MYL12B: variants seen among roughly 807,000 people sequenced by gnomAD.
MYL12B encodes myosin regulatory light chain 12B.
In MYL12B, 3 loss-of-function variants were observed where a neutral mutation model predicts 12.9. That is an observed-to-expected ratio of 0.23 (90% CI 0.11 to 0.60). MYL12B has a LOEUF of 0.60. MYL12B is among the 20% of genes least tolerant of loss of function. MYL12B has a pLI of 0.89. For missense variants in MYL12B, 120 were observed against 215.4 expected (o/e 0.56, Z 2.77); for synonymous variants, 57 against 71.9 (o/e 0.79, Z 1.05).
rs2144366409 is a variant in MYL12B at position 3,276,574 on chromosome 18, A to T, written c.185-679A>T. ...CTAACATTGTTCAAAATAAGCTGCC[A>T]ATTCAAAACCATGCTAATAGTTTAA... On this transcript the variant is annotated intron_variant, in intron 2 of 3. Transcript: ENST00000237500. The T allele has an allele frequency of 4.1e-6, 4 of 985,242 alleles. No individual in the cohort carries two copies. The South Asian group carries it at 1.4e-4, about 35-fold the overall frequency. The allele number at this position is 985,242 out of a possible 1,614,324, so 61.0% of individuals were successfully genotyped here.
At position 3,265,555 on chromosome 18, in the gene MYL12B, T is replaced by C. The variant is rs574067215; in HGVS notation, c.-16+3318T>C. 2.7e-4 allele frequency among the ~76,000 whole-genome samples: 29 copies of C among 108,964 alleles called. No individual in the cohort carries two copies. The South Asian group carries it at 3.5e-3, about 13-fold the overall frequency. 71.5% of individuals were successfully genotyped at this position (108,964 alleles called of 152,430 possible). On this transcript the variant is annotated intron_variant, in intron 1 of 3. Transcript: ENST00000237500. ...CAAATCAGCACTGCTAACAAGACCC[T>C]CTCAGAGTCCTGTCCTCTACTAGCA...
At chr18:3,266,140 A>T (rs1373063721) in intron 1 of MYL12B, among the ~76,000 whole-genome samples, 1 of 152,214 alleles carries the variant, frequency 6.6e-6, no homozygotes, top group Admixed American at 6.5e-5. Flanking sequence ...GAGCCAGAGC[A>T]GCTTAGGTGG....
In MYL12B at chr18:3,278,181, C is replaced by T. The variant is rs1380336269; in HGVS notation, c.*244C>T. On this transcript the variant is annotated 3_prime_UTR_variant, in exon 4 of 4. Coordinates refer to ENST00000237500, the MANE Select transcript of MYL12B (RefSeq NM_033546.4). Reference sequence around the variant, plus strand: ...ATAAAAATCAACAAATGTGAAAGCCCAGAAAAATATATTCGTATTTCTGGT... The same window carrying T: ...ATAAAAATCAACAAATGTGAAAGCCTAGAAAAATATATTCGTATTTCTGGT... 2.8e-6 allele frequency: 1 copy of T among 355,718 alleles called. No homozygotes were observed. The highest frequency in any genetic ancestry group is 2.1e-5 in the African/African-American group (1 of 47,022). 22.0% of individuals were successfully genotyped at this position (355,718 alleles called of 1,614,324 possible). A position where few individuals can be genotyped will look rare whatever the true frequency, so the allele number is the denominator to read the frequency against.
At chr18:3,263,457 G>C (rs1246357221) in intron 1 of MYL12B, among the ~76,000 whole-genome samples, 1 of 152,194 alleles carries the variant, frequency 6.6e-6, no homozygotes, top group African/African-American at 2.4e-5. Flanking sequence ...TTATAACTAA[G>C]AGCACTTTTG....
intron 1 of MYL12B, among the ~76,000 whole-genome samples, chr18:3,265,306 G>A (rs1372998): frequency 0.38 from 58,049 of 151,958 alleles, 14,033 homozygotes; most frequent in African/African-American, 0.69. Context: ...TGCTGTTTTC[G>A]GACTGTTGCT....
chr18:3,264,708 A>G (rs1182860955), intron 1 of MYL12B, among the ~76,000 whole-genome samples: 5 of 152,206 alleles, frequency 3.3e-5, no homozygotes, highest in African/African-American at 1.2e-4. Flanking sequence ...AAAACATTGT[A>G]TTGAATGAAA....
intron 1 of MYL12B, among the ~76,000 whole-genome samples, chr18:3,263,674 C>G (rs948439655): frequency 5.3e-5 from 8 of 152,216 alleles, no homozygotes; most frequent in Non-Finnish European, 1.0e-4. Flanking sequence ...TTCAAAGGCT[C>G]CAGGTATATC....
At position 3,277,912 on chromosome 18, in the gene MYL12B, A is replaced by G. The variant is rs111915417; in HGVS notation, c.494A>G (p.His165Arg). The G allele has an allele frequency of 1.2e-6, 2 of 1,614,036 alleles. No homozygotes were observed. Among genetic ancestry groups the G allele is most frequent in the Non-Finnish European group, 1.7e-6 (2 of 1,179,952 alleles). Residue 165 changes from histidine (H) to arginine (R), a missense_variant, in exon 4 of 4, where the codon CAT becomes CGT. By Grantham distance (29) the His-to-Arg change is conservative. Coordinates refer to ENST00000237500, the MANE Select transcript of MYL12B (RefSeq NM_033546.4). Reference sequence around the variant, plus strand: ...ATCGAGTTCACACGCATCCTGAAACATGGAGCCAAAGACAAAGATGACTGA... The same window carrying G: ...ATCGAGTTCACACGCATCCTGAAACGTGGAGCCAAAGACAAAGATGACTGA... ...NYIEFTRILKHGAKDKDD is the reference protein window; with the variant it reads ...NYIEFTRILKRGAKDKDD
intron 1 of MYL12B, among the ~76,000 whole-genome samples, chr18:3,267,329 A>C (rs745860305): frequency 4.6e-5 from 7 of 152,236 alleles, no homozygotes; most frequent in African/African-American, 1.7e-4. Context: ...AATCATAGGT[A>C]GCTGACAGAA....
At position 3,263,210 on chromosome 18, in the gene MYL12B, A is replaced by T. The variant is rs1446453010; in HGVS notation, c.-16+973A>T. 2.0e-5 allele frequency: 3 copies of T among 152,236 alleles called. No homozygotes were observed. The East Asian group carries it at 5.8e-4, about 29-fold the overall frequency. The allele number at this position is 152,236 out of a possible 1,614,324, so 9.4% of individuals were successfully genotyped here. On this transcript the variant is annotated intron_variant, in intron 1 of 3. Coordinates refer to ENST00000237500, the MANE Select transcript of MYL12B (RefSeq NM_033546.4). The stretch of plus-strand genomic sequence containing the variant: ...AAAGATTATCTAAGAAGCCATAGAG[A>T]GTAATTTTGGAGTCTTCACTAACGG...
At chr18:3,270,538 A>G (rs1263445428) in intron 1 of MYL12B, among the ~76,000 whole-genome samples, 1 of 152,104 alleles carries the variant, frequency 6.6e-6, no homozygotes, top group Non-Finnish European at 1.5e-5. Flanking sequence ...CCCTAATAAA[A>G]TCCTTGGGTG....
chr18:3,270,062 G>A (rs977801204), intron 1 of MYL12B, among the ~76,000 whole-genome samples: 2 of 152,190 alleles, frequency 1.3e-5, no homozygotes, highest in African/African-American at 4.8e-5. Context: ...ACCAGATTTG[G>A]CAATTAAAGC....
intron 2 of MYL12B, chr18:3,276,480 T>C (rs1598810631): frequency 1.0e-6 from 1 of 984,774 alleles, no homozygotes; most frequent in East Asian, 1.2e-4. Context: ...GAGATTAAGA[T>C]TTCCCATTAC....
At chr18:3,269,788 T>G (rs1038366781) in intron 1 of MYL12B, among the ~76,000 whole-genome samples, 2 of 152,150 alleles carry the variant, frequency 1.3e-5, no homozygotes, top group African/African-American at 2.4e-5. Flanking sequence ...GATAAACATC[T>G]AAGAGGAAAA....
intron 1 of MYL12B, among the ~76,000 whole-genome samples, chr18:3,269,424 A>G (rs1004195093): frequency 6.6e-6 from 1 of 152,190 alleles, no homozygotes; most frequent in East Asian, 1.9e-4. Context: ...TATTTCTCAG[A>G]GGCAGGGCTT....
intron 1 of MYL12B, among the ~76,000 whole-genome samples, chr18:3,269,368 T>G (rs1436279844): frequency 6.6e-6 from 1 of 151,954 alleles, no homozygotes; most frequent in Non-Finnish European, 1.5e-5. Flanking sequence ...AGGATCCAGT[T>G]TAGGGTGATG....
rs1206091334 is a variant in MYL12B, at chr18:3,276,873, C to CA, written c.185-374dup. On this transcript the variant is annotated intron_variant, in intron 2 of 3. Coordinates refer to ENST00000237500, the MANE Select transcript of MYL12B (RefSeq NM_033546.4). The stretch of plus-strand genomic sequence containing the variant: ...GCAACATAGTGAAACCCAGTCTTTA[C>CA]AAAAAACAAAAAATTAGCAGGGCAT... The CA allele has an allele frequency of 3.6e-5, 31 of 859,002 alleles. 1 individual carries two copies. In the Admixed American group the frequency reaches 4.3e-4, roughly 12 times the overall value. The allele number at this position is 859,002 out of a possible 1,614,324, so 53.2% of individuals were successfully genotyped here.
chr18:3,269,967 GAGCACCAGGCTAAC>G (rs2081664353), intron 1 of MYL12B, among the ~76,000 whole-genome samples: 1 of 152,134 alleles, frequency 6.6e-6, no homozygotes, highest in African/African-American at 2.4e-5. Flanking sequence ...TACTGTTATG[GAGCACCAGGCTAAC>G]AGTGGCTGTC....
intron 2 of MYL12B, among the ~76,000 whole-genome samples, chr18:3,273,711 G>A (rs10468737): frequency 0.94 from 143,293 of 152,176 alleles, 67,586 homozygotes; most frequent in Non-Finnish European, 0.98. Context: ...TCAAGGAACT[G>A]CAGGCAAAGG....
Sources: allele counts gnomAD v4.1 joint callset (sites outside exome capture counted in the v4.1 genomes callset), GRCh38; gene constraint gnomAD v4.1.1; transcripts MANE v1.5; gene names NCBI Gene and HGNC (gene_info 2026-07-23, HGNC 2026-07-21).